Variants in KLHL32 observed in about 807,000 individuals in gnomAD.
KLHL32 encodes kelch like family member 32, also known as kelch-like protein 32.
A neutral mutation model predicts 64.8 loss-of-function variants in KLHL32; 35 were observed. That is an observed-to-expected ratio of 0.54 (90% CI 0.41 to 0.72). The LOEUF (loss-of-function observed/expected upper bound fraction) is 0.72, where lower values mean the gene tolerates loss of function less well. Ranked by LOEUF, KLHL32 falls within the 30% of genes least tolerant of loss-of-function variation. The probability of loss-of-function intolerance (pLI) is 0.00; values close to 1 mark genes in which losing one functional copy is unlikely to be tolerated. For missense variants in KLHL32, 589 were observed against 768.5 expected, an observed-to-expected ratio of 0.77 and a Z score of 2.76; for synonymous variants, 259 against 281.0, an observed-to-expected ratio of 0.92 and a Z score of 0.78.
intron 1 of KLHL32, among the ~76,000 whole-genome samples, chr6:96,961,345 G>A (rs1773859563): frequency 6.6e-6 from 1 of 152,150 alleles, no homozygotes; most frequent in Admixed American, 6.5e-5. Flanking sequence ...ATGTTGGTAG[G>A]ATTGGTATGC....
At chr6:97,084,779 G>A (rs1793132320) in intron 5 of KLHL32, among the ~76,000 whole-genome samples, 1 of 152,102 alleles carries the variant, frequency 6.6e-6, no homozygotes, top group African/African-American at 2.4e-5. Flanking sequence ...TGTAAAATAT[G>A]GTAAGGGTAG....
intron 3 of KLHL32, among the ~76,000 whole-genome samples, chr6:96,978,939 G>A (rs1775999581): frequency 6.6e-6 from 1 of 152,102 alleles, no homozygotes; most frequent in South Asian, 2.1e-4. Context: ...CTGCATGTAT[G>A]TCTTTTTTTG....
chr6:97,056,252 C>CCCG (rs767168328), intron 4 of KLHL32, among the ~76,000 whole-genome samples: 1 of 151,766 alleles, frequency 6.6e-6, no homozygotes, highest in African/African-American at 2.4e-5. Context: ...ACTACAGGCG[C>CCCG]CCGCCACCAC....
At chr6:97,071,849 G>A (rs1340397670) in intron 5 of KLHL32, among the ~76,000 whole-genome samples, 1 of 152,122 alleles carries the variant, frequency 6.6e-6, no homozygotes, top group Non-Finnish European at 1.5e-5. Context: ...TAACTCAGCT[G>A]CGCTCCCTGC....
At chr6:97,004,030 G>C (rs932985302) in intron 3 of KLHL32, among the ~76,000 whole-genome samples, 6 of 152,178 alleles carry the variant, frequency 3.9e-5, no homozygotes, top group Non-Finnish European at 8.8e-5. Context: ...GCTATTGGTT[G>C]TTTTATAGGA....
chr6:96,930,298 G>A (rs1769702307), intron 1 of KLHL32, among the ~76,000 whole-genome samples: 1 of 152,092 alleles, frequency 6.6e-6, no homozygotes, highest in African/African-American at 2.4e-5. Context: ...ACAATTGAAA[G>A]TGCAAGGTAG....
intron 5 of KLHL32, among the ~76,000 whole-genome samples, chr6:97,071,881 C>CACTGG: frequency 6.6e-6 from 1 of 152,304 alleles, no homozygotes; most frequent in Middle Eastern, 3.4e-3. Context: ...TGCTAATCAA[C>CACTGG]ACTGGACAAT....
intron 3 of KLHL32, among the ~76,000 whole-genome samples, chr6:96,989,941 C>G (rs572005107): frequency 7.2e-5 from 11 of 152,234 alleles, no homozygotes; most frequent in African/African-American, 2.6e-4. Flanking sequence ...TCTATCAGAT[C>G]AGTTTGTTTC....
At chr6:96,899,743 G>T in the KLHL32 span, among the ~76,000 whole-genome samples, 1 of 152,116 alleles carries the variant, frequency 6.6e-6, no homozygotes, top group Non-Finnish European at 1.5e-5. Context: ...CATAATTCCA[G>T]CTCTTCTTGT....
intron 1 of KLHL32, among the ~76,000 whole-genome samples, chr6:96,952,044 C>T (rs1251687958): frequency 3.9e-5 from 6 of 152,104 alleles, no homozygotes; most frequent in African/African-American, 1.2e-4. Flanking sequence ...TAAAAATGTG[C>T]ACATTCGGTT....
intron 3 of KLHL32, among the ~76,000 whole-genome samples, chr6:97,027,111 G>A (rs1012430163): frequency 4.7e-5 from 7 of 149,424 alleles, no homozygotes; most frequent in Non-Finnish European, 7.4e-5. Context: ...GCAGTGAGCC[G>A]AGATTGCGCC....
chr6:97,130,212 G>T (rs1340152531), intron 8 of KLHL32, among the ~76,000 whole-genome samples: 1 of 152,080 alleles, frequency 6.6e-6, no homozygotes, highest in Non-Finnish European at 1.5e-5. Context: ...TGCTTTATGT[G>T]TATTAGCTCA....
chr6:97,013,382 G>A (rs1327249507), intron 3 of KLHL32, among the ~76,000 whole-genome samples: 3 of 152,186 alleles, frequency 2.0e-5, no homozygotes, highest in Non-Finnish European at 2.9e-5. Flanking sequence ...TTGTAAAATG[G>A]AGAGAATGGT....
intron 1 of KLHL32, among the ~76,000 whole-genome samples, chr6:96,959,392 T>G (rs1298546430): frequency 1.3e-5 from 2 of 152,192 alleles, no homozygotes; most frequent in Non-Finnish European, 2.9e-5. Flanking sequence ...ATTTATTTTC[T>G]CACAATTCTG....
chr6:97,118,384 C>T (rs1044826098), intron 7 of KLHL32, among the ~76,000 whole-genome samples: 5 of 152,018 alleles, frequency 3.3e-5, no homozygotes, highest in Non-Finnish European at 5.9e-5. Flanking sequence ...TTTGGGAGGC[C>T]GAGGCGGGCG....
chr6:96,977,122 AT>A (rs1775790377), intron 3 of KLHL32, among the ~76,000 whole-genome samples: 2 of 152,256 alleles, frequency 1.3e-5, no homozygotes, highest in African/African-American at 4.8e-5. Flanking sequence ...AATGCCACTT[AT>A]TAGCACTTCT....
At chr6:97,013,796 T>C (rs1410171045) in intron 3 of KLHL32, among the ~76,000 whole-genome samples, 1 of 152,230 alleles carries the variant, frequency 6.6e-6, no homozygotes, top group Admixed American at 6.5e-5. Flanking sequence ...CAGCGTATTA[T>C]GGGAGTCAAG....
intron 5 of KLHL32, among the ~76,000 whole-genome samples, chr6:97,068,028 ACAC>A (rs1790086165): frequency 6.6e-6 from 1 of 152,028 alleles, no homozygotes; most frequent in African/African-American, 2.4e-5. Flanking sequence ...ACACACACAC[ACAC>A]ACATACACAC....
chr6:97,125,032 G>A (rs1582244825), intron 7 of KLHL32, among the ~76,000 whole-genome samples: 3 of 152,286 alleles, frequency 2.0e-5, no homozygotes, highest in Admixed American at 2.0e-4. Context: ...TATTCAATGA[G>A]AAATCCAGAG....
Sources: allele counts gnomAD v4.1 joint callset (sites outside exome capture counted in the v4.1 genomes callset), GRCh38; gene constraint gnomAD v4.1.1; transcripts MANE v1.5; gene names NCBI Gene and HGNC (gene_info 2026-07-23, HGNC 2026-07-21).